The following UROC1 variants were observed in gnomAD, a reference collection of about 807,000 sequenced individuals.
UROC1 encodes urocanate hydratase 1.
UROC1 carries 79 observed loss-of-function variants against 89.5 expected under a neutral mutation model. The ratio of observed to expected loss-of-function variants is 0.88; its 90% CI spans 0.74 to 1.06. UROC1 has a LOEUF of 1.06. UROC1 is among the 50% of genes least tolerant of loss of function. The probability of loss-of-function intolerance (pLI) is 0.00; values close to 1 mark genes in which losing one functional copy is unlikely to be tolerated. For missense variants in UROC1, 885 were observed against 907.8 expected (o/e 0.97, Z 0.32); for synonymous variants, 361 against 354.8 (o/e 1.02, Z -0.20).
chr3:126,493,123 G>T (rs1361595348), intron 15 of UROC1, among the ~76,000 whole-genome samples: 2 of 152,174 alleles, frequency 1.3e-5, no homozygotes, highest in African/African-American at 4.8e-5. Flanking sequence ...GACAGTAATG[G>T]GTGGTTGTCC....
At chr3:126,505,901 C>G in intron 7 of UROC1, 44 bp downstream of exon 7, 1 of 1,612,366 alleles carries the variant, frequency 6.2e-7, no homozygotes, top group Non-Finnish European at 8.5e-7. Context: ...CCCTCCACCC[C>G]CCATGCTGGG....
intron 9 of UROC1, among the ~76,000 whole-genome samples, 192 bp from the exon 10 acceptor site, chr3:126,501,472 C>T (rs1364530003): frequency 6.6e-6 from 1 of 152,188 alleles, no homozygotes; most frequent in African/African-American, 2.4e-5. Context: ...GGACACAAAA[C>T]TATAAAGGGA....
At position 126,488,299 on chromosome 3, in the gene UROC1, T is replaced by C. The variant is rs757251839; in HGVS notation, c.1709-20A>G. 3 of 1,614,010 alleles carry C rather than the reference T, an allele frequency of 1.9e-6. No homozygotes were observed. In the South Asian group the frequency reaches 3.3e-5, roughly 18 times the overall value. On this transcript the variant is annotated intron_variant, in intron 17 of 19. Transcript: ENST00000290868. ...CCATGTCTGCGGAAATAGAGACGCC[T>C]CTGCTCATCACCCCCTGCACTGGGT... is the stretch of plus-strand genomic sequence containing the variant.
In UROC1 at chr3:126,517,683, G is replaced by A. The variant is rs769692651; in HGVS notation, c.37C>T (p.Leu13=). The A allele has an allele frequency of 1.1e-5, 17 of 1,600,174 alleles. No homozygotes were observed. Among genetic ancestry groups the A allele is most frequent in the Middle Eastern group, 3.4e-4 (2 of 5,800 alleles). ...SLQALCSGLP[L]RPLPENRGRQ... ...CCCCGGTTCTCTGGGAGGGGCCGCA[G>A]GGGCAGGCCAGAGCACAGCGCCTGG... Residue 13 remains leucine (L), a synonymous_variant, in exon 1 of 20, where the codon CTG becomes TTG. Transcript: ENST00000290868.
At chr3:126,486,162 C>T (rs1643322987) in intron 18 of UROC1, among the ~76,000 whole-genome samples, 1 of 152,206 alleles carries the variant, frequency 6.6e-6, no homozygotes, top group Admixed American at 6.5e-5. Context: ...CGGCTGGAAG[C>T]CTGCTCACCT....
chr3:126,491,899 G>A (rs1044405536), intron 16 of UROC1, among the ~76,000 whole-genome samples: 1 of 152,174 alleles, frequency 6.6e-6, no homozygotes, highest in Non-Finnish European at 1.5e-5. Flanking sequence ...GGGAAACCAA[G>A]GCTCGGAGAG....
intron 18 of UROC1, among the ~76,000 whole-genome samples, chr3:126,487,053 T>G (rs1935535406): frequency 1.3e-5 from 2 of 152,316 alleles, no homozygotes; most frequent in Admixed American, 1.3e-4. Context: ...CTTAGGAATT[T>G]GCAGGGAGCA....
chr3:126,501,873 G>A (rs762752779), intron 9 of UROC1: 15 of 1,599,486 alleles, frequency 9.4e-6, no homozygotes, highest in Non-Finnish European at 1.3e-5. Flanking sequence ...TGACAAAGCA[G>A]GAAAGGACAC....
intron 9 of UROC1, among the ~76,000 whole-genome samples, chr3:126,502,740 G>A (rs1935963085): frequency 7.8e-6 from 1 of 128,542 alleles, no homozygotes; most frequent in Non-Finnish European, 1.7e-5. Flanking sequence ...CTGTTTATGT[G>A]CATGCATGTG....
chr3:126,509,411 C>T (rs558135092), intron 3 of UROC1, among the ~76,000 whole-genome samples, 174 bp downstream of exon 3: 26 of 152,254 alleles, frequency 1.7e-4, no homozygotes, highest in African/African-American at 5.1e-4. Context: ...ACTATAGACA[C>T]GGATGCAAAC....
chr3:126,505,736 C>T lies in UROC1; in HGVS notation c.778G>A (p.Ala260Thr), dbSNP rs746736077. 6.8e-6 allele frequency: 11 copies of T among 1,613,870 alleles called. No homozygotes were observed. The highest frequency in any genetic ancestry group is 2.2e-5 in the East Asian group (1 of 44,884). Residue 260 changes from alanine (A) to threonine (T), a missense_variant, in exon 8 of 20, where the codon GCA becomes ACA. Physicochemically the swap from Ala to Thr is moderately conservative, Grantham distance 58 (BLOSUM62 0). Transcript: ENST00000290868. The part of the protein sequence containing the change: ...GGMSGAQAKA[A>T]VIVGCIGVIA... ...ACACCGATGCACCCCACGATGACTG[C>T]GGCCTTGGCCTGAGCCCCACTCATT...
intron 6 of UROC1, among the ~76,000 whole-genome samples, chr3:126,507,313 T>G (rs541940663): frequency 2.0e-5 from 3 of 151,128 alleles, no homozygotes; most frequent in Non-Finnish European, 4.4e-5. Flanking sequence ...AAACAAACGT[T>G]GAATTCCCGT....
chr3:126,489,277 T>C lies in UROC1; in HGVS notation c.1707A>G (p.Ala569=). 6.2e-7 allele frequency: 1 copy of C among 1,612,530 alleles called. No individual in the cohort carries two copies. Among genetic ancestry groups the C allele is most frequent in the Non-Finnish European group, 8.5e-7 (1 of 1,178,820 alleles). The part of the protein sequence containing the change: ...SNIYDGSAFC[A]DMAVQNFVGD... Reference sequence around the variant, plus strand: ...TTAAGACATTCTCATCTTCCTCACCTGCACAGAAGGCAGAGCCGTCGTAAA... The same window carrying C: ...TTAAGACATTCTCATCTTCCTCACCCGCACAGAAGGCAGAGCCGTCGTAAA... Residue 569 remains alanine (A), a splice_region_variant and synonymous_variant, in exon 17 of 20, where the codon GCA becomes GCG. Coordinates refer to ENST00000290868, the MANE Select transcript of UROC1 (RefSeq NM_144639.3).
At chr3:126,511,475 C>T (rs1311015134) in intron 1 of UROC1, among the ~76,000 whole-genome samples, 1 of 152,244 alleles carries the variant, frequency 6.6e-6, no homozygotes, top group Non-Finnish European at 1.5e-5. Context: ...CCTCACTATT[C>T]TAAAGGCAGT....
intron 6 of UROC1, among the ~76,000 whole-genome samples, chr3:126,506,367 G>T (rs893032745): frequency 1.3e-5 from 2 of 152,174 alleles, no homozygotes; most frequent in African/African-American, 4.8e-5. Flanking sequence ...GATGTTCACC[G>T]CAACTTTAGG....
At chr3:126,492,625 C>G (rs1454665827) in intron 15 of UROC1, 109 bp from the exon 16 acceptor site, 2 of 798,072 alleles carry the variant, frequency 2.5e-6, no homozygotes, top group South Asian at 2.9e-5. Flanking sequence ...TGGCCCTTGG[C>G]AGCCTGAGCG....
At chr3:126,496,704 T>C (rs1015808216) in intron 14 of UROC1, among the ~76,000 whole-genome samples, 12 of 152,352 alleles carry the variant, frequency 7.9e-5, no homozygotes, top group South Asian at 4.1e-4. Context: ...CTGGTAATTT[T>C]CCAGAAATTG....
chr3:126,483,542 T>G, intron 18 of UROC1, 74 bp from the exon 19 acceptor site: 3 of 1,416,228 alleles, frequency 2.1e-6, no homozygotes, highest in Non-Finnish European at 2.9e-6. Flanking sequence ...AGCCCATGTT[T>G]TGGAAGCATT....
chr3:126,486,269 G>A (rs752795539), intron 18 of UROC1, among the ~76,000 whole-genome samples: 5 of 152,234 alleles, frequency 3.3e-5, no homozygotes, highest in African/African-American at 4.8e-5. Context: ...ATGTGAGGCC[G>A]CAGCACCAAC....
Sources: allele counts gnomAD v4.1 joint callset (sites outside exome capture counted in the v4.1 genomes callset), GRCh38; gene constraint gnomAD v4.1.1; transcripts MANE v1.5; gene names NCBI Gene and HGNC (gene_info 2026-07-23, HGNC 2026-07-21).